The following ESRRG variants were observed in gnomAD, a reference collection of about 807,000 sequenced individuals.
ESRRG encodes estrogen-related receptor gamma.
ESRRG carries 13 observed loss-of-function variants against 44.0 expected under a neutral mutation model. The observed-to-expected ratio is 0.30, with a 90% confidence interval of 0.19 to 0.47. ESRRG has a LOEUF of 0.47. ESRRG is among the 20% of genes least tolerant of loss of function. ESRRG has a pLI of 1.00. For missense variants in ESRRG, 395 were observed against 580.6 expected (o/e 0.68, Z 3.29); for synonymous variants, 215 against 214.6 (o/e 1.00, Z -0.02).
intron 2 of ESRRG, among the ~76,000 whole-genome samples, chr1:216,776,905 G>T (rs1413603830): frequency 2.0e-5 from 3 of 152,132 alleles, no homozygotes; most frequent in Non-Finnish European, 4.4e-5. Context: ...CAACCATTGG[G>T]TATAGCATGT....
chr1:217,018,869 A>G lies in ESRRG; in HGVS notation c.-106+70638T>C, dbSNP rs184409674. 1.3e-3 allele frequency among the ~76,000 whole-genome samples: 202 copies of G among 152,300 alleles called. 1 individual carries two copies. Among genetic ancestry groups the G allele is most frequent in the African/African-American group, 4.7e-3 (195 of 41,566 alleles). ...ATTGCCACGTGGACCGCATTATGGC[A>G]CAATTACTTGCTATAATTATGCATC... On this transcript the variant is annotated intron_variant, in intron 1 of 7. Transcript: ENST00000359162.
At chr1:217,080,671 G>GTTTTTTTTTTTT (rs34598045) in intron 1 of ESRRG, among the ~76,000 whole-genome samples, 3 of 65,244 alleles carry the variant, frequency 4.6e-5, no homozygotes, top group African/African-American at 1.2e-4. Flanking sequence ...TGTTTTTTTG[G>GTTTTTTTTTTTT]TTTTTTTTTT....
intron 1 of ESRRG, among the ~76,000 whole-genome samples, chr1:216,700,041 G>A (rs1165619563): frequency 6.6e-6 from 1 of 151,872 alleles, no homozygotes; most frequent in South Asian, 2.1e-4. Context: ...ATCAGTCATC[G>A]TTGGTCCAGA....
chr1:216,559,359 A>G (rs1455575959), intron 5 of ESRRG, among the ~76,000 whole-genome samples: 1 of 152,228 alleles, frequency 6.6e-6, no homozygotes, highest in Non-Finnish European at 1.5e-5. Context: ...ATTCATAGCA[A>G]AGTAGAAATA....
At chr1:216,790,984 A>G (rs993667100) in intron 2 of ESRRG, among the ~76,000 whole-genome samples, 1 of 152,152 alleles carries the variant, frequency 6.6e-6, no homozygotes, top group Non-Finnish European at 1.5e-5. Context: ...GTGATAGGGG[A>G]AAATGAAATG....
chr1:217,108,456 G>A (rs1051568021), intron 1 of ESRRG, among the ~76,000 whole-genome samples: 3 of 152,108 alleles, frequency 2.0e-5, no homozygotes, highest in Non-Finnish European at 4.4e-5. Flanking sequence ...ATGTGATATA[G>A]TTTGGATGCT....
At chr1:216,828,921 C>T (rs1048043925) in intron 2 of ESRRG, among the ~76,000 whole-genome samples, 2 of 152,166 alleles carry the variant, frequency 1.3e-5, no homozygotes, top group Admixed American at 6.5e-5. Context: ...TGTCAACCCA[C>T]TCATGTCTCA....
At chr1:217,064,474 A>C (rs891510248) in intron 1 of ESRRG, among the ~76,000 whole-genome samples, 1 of 152,166 alleles carries the variant, frequency 6.6e-6, no homozygotes, top group African/African-American at 2.4e-5. Flanking sequence ...AGCCATGTGC[A>C]GAACCCAGAT....
chr1:217,116,962 T>C (rs929269069), intron 1 of ESRRG, among the ~76,000 whole-genome samples: 14 of 152,332 alleles, frequency 9.2e-5, no homozygotes, highest in African/African-American at 2.9e-4. Context: ...AATTTCCTTA[T>C]CTGTAAAATT....
intron 2 of ESRRG, among the ~76,000 whole-genome samples, chr1:216,736,949 C>T (rs1490582976): frequency 6.6e-6 from 1 of 152,168 alleles, no homozygotes; most frequent in Non-Finnish European, 1.5e-5. Flanking sequence ...AAATAAATGG[C>T]TCAGAATTCG....
Position 216,799,556 on chromosome 1 carries a change from A to G in ESRRG, c.-13-122065T>C, listed in dbSNP as rs372208004. 1.3e-3 allele frequency among the ~76,000 whole-genome samples: 201 copies of G among 152,292 alleles called. 2 individuals carry two copies. The highest frequency in any genetic ancestry group is 4.4e-3 in the African/African-American group (184 of 41,578). ...TCCATACAAAAGAAGACTGAATATA[A>G]GAATGTAGAAGTTATGAATGGTTTC... is the stretch of plus-strand genomic sequence containing the variant. On this transcript the variant is annotated intron_variant, in intron 2 of 7. Transcript: ENST00000359162.
At chr1:216,769,232 C>G (rs1032052572) in intron 2 of ESRRG, among the ~76,000 whole-genome samples, 1 of 151,990 alleles carries the variant, frequency 6.6e-6, no homozygotes, top group African/African-American at 2.4e-5. Flanking sequence ...TAAGAATGAA[C>G]AGTATAATTG....
At chr1:216,555,948 G>A (rs919481812) in intron 5 of ESRRG, among the ~76,000 whole-genome samples, 3 of 152,046 alleles carry the variant, frequency 2.0e-5, no homozygotes, top group African/African-American at 7.2e-5. Flanking sequence ...AAGGGAAGTG[G>A]GATTAGGGTT....
intron 1 of ESRRG, among the ~76,000 whole-genome samples, chr1:217,058,294 G>A (rs1189313889): frequency 6.6e-6 from 1 of 152,048 alleles, no homozygotes; most frequent in Non-Finnish European, 1.5e-5. Context: ...AAAAAAGAAA[G>A]GGGTTTTATA....
intron 1 of ESRRG, chr1:217,000,792 T>C (rs916725120): frequency 1.3e-5 from 2 of 152,236 alleles, no homozygotes; most frequent in East Asian, 3.9e-4. Context: ...CAGCAAAGCA[T>C]TGGTCCCATG....
At chr1:216,963,133 C>T (rs1027191583) in intron 1 of ESRRG, among the ~76,000 whole-genome samples, 9 of 152,150 alleles carry the variant, frequency 5.9e-5, no homozygotes, top group South Asian at 4.2e-4. Flanking sequence ...CACTATAAGG[C>T]GCTATATAAA....
intron 2 of ESRRG, among the ~76,000 whole-genome samples, chr1:216,761,239 T>C (rs2092757916): frequency 6.6e-6 from 1 of 152,028 alleles, no homozygotes; most frequent in Non-Finnish European, 1.5e-5. Flanking sequence ...TTTTTATCAA[T>C]TCCTGGTATT....
intron 2 of ESRRG, among the ~76,000 whole-genome samples, chr1:216,836,304 C>T (rs962599012): frequency 6.6e-6 from 1 of 152,052 alleles, no homozygotes; most frequent in African/African-American, 2.4e-5. Context: ...TTATTATACC[C>T]ACAAGTTTCA....
intron 1 of ESRRG, among the ~76,000 whole-genome samples, chr1:217,125,365 A>G (rs2092876676): frequency 6.6e-6 from 1 of 152,330 alleles, no homozygotes; most frequent in South Asian, 2.1e-4. Flanking sequence ...GCAGTACATA[A>G]TAGTACATAC....
Sources: allele counts gnomAD v4.1 joint callset (sites outside exome capture counted in the v4.1 genomes callset), GRCh38; gene constraint gnomAD v4.1.1; transcripts MANE v1.5; gene names NCBI Gene and HGNC (gene_info 2026-07-23, HGNC 2026-07-21).